THADA: variants seen among roughly 807,000 people sequenced by gnomAD.
The protein encoded by THADA is THADA armadillo repeat containing, also known as tRNA (32-2'-O)-methyltransferase regulator THADA.
A neutral mutation model predicts 219.8 loss-of-function variants in THADA; 213 were observed. The observed-to-expected ratio is 0.97, with a 90% CI of 0.87 to 1.09. The LOEUF is 1.09. THADA is among the 50% of genes least tolerant of loss of function. THADA has a pLI of 0.00. For synonymous variants in THADA, 1,018 were observed against 828.9 expected (o/e 1.23, Z -3.92); for missense variants, 2,956 against 2,311.3 (o/e 1.28, Z -5.72).
intron 29 of THADA, chr2:43,372,206 C>T (rs1373032790): frequency 7.9e-5 from 12 of 152,066 alleles, no homozygotes; most frequent in Admixed American, 2.0e-4. Flanking sequence ...TCTGAACACA[C>T]GAGAAATCTA....
chr2:43,463,918 C>T (rs951609871), intron 26 of THADA, among the ~76,000 whole-genome samples: 3 of 152,014 alleles, frequency 2.0e-5, no homozygotes, highest in Admixed American at 6.6e-5. Context: ...TAAAATTTGC[C>T]GGAAGAAGCT....
chr2:43,552,526 T>C (rs1873555), intron 17 of THADA, among the ~76,000 whole-genome samples, 187 bp from the exon 18 acceptor site: 51,834 of 152,002 alleles, frequency 0.34, 9,153 homozygotes, highest in South Asian at 0.42. Context: ...ACTGAGTGTC[T>C]TTCCCTAAAC....
chr2:43,317,257 GA>G (rs1678190847), intron 31 of THADA, among the ~76,000 whole-genome samples: 1 of 152,144 alleles, frequency 6.6e-6, no homozygotes, highest in Admixed American at 6.5e-5. Context: ...CTTGAATTCA[GA>G]AAATGAATTC....
rs577688278 is a variant in THADA at position 43,568,315 on chromosome 2, T to G, written c.2188-1494A>C. ...TCCACTAGCCTAGAAGATGTCTTTTTCAACTAATAGCCTCCTCTTCTCCCC... is the reference window on the plus strand; with the variant it reads ...TCCACTAGCCTAGAAGATGTCTTTTGCAACTAATAGCCTCCTCTTCTCCCC... On this transcript the variant is annotated intron_variant, in intron 14 of 37. Transcript: ENST00000405975. Among the ~76,000 whole-genome samples, 3 of 152,340 alleles carry G rather than the reference T, an allele frequency of 2.0e-5. No homozygotes were observed. The East Asian group carries it at 5.8e-4, about 29-fold the overall frequency.
At chr2:43,572,676 G>C in intron 12 of THADA, 138 bp downstream of exon 12, 1 of 644,446 alleles carries the variant, frequency 1.6e-6, no homozygotes. Flanking sequence ...AAGTTTAGTT[G>C]GGAGACTAGG....
At chr2:43,585,870 C>A (rs146219835) in intron 7 of THADA, among the ~76,000 whole-genome samples, 317 of 151,968 alleles carry the variant, frequency 2.1e-3, no homozygotes, top group African/African-American at 7.3e-3. Context: ...TTTAATTTTT[C>A]ATTTAAATAT....
At chr2:43,293,560 C>T (rs567438084) in intron 31 of THADA, among the ~76,000 whole-genome samples, 2 of 152,310 alleles carry the variant, frequency 1.3e-5, no homozygotes, top group East Asian at 1.9e-4. Flanking sequence ...TATAAACTTC[C>T]TTCAGGGGTG....
intron 36 of THADA, among the ~76,000 whole-genome samples, chr2:43,248,130 A>AATAAATATATATAT (rs1669354918): frequency 1.7e-5 from 1 of 58,240 alleles, no homozygotes; most frequent in South Asian, 7.6e-4. Flanking sequence ...TCCATACAGA[A>AATAAATATATATAT]ATATATATAT....
At chr2:43,322,788 C>T (rs1463383315) in intron 30 of THADA, among the ~76,000 whole-genome samples, 3 of 138,544 alleles carry the variant, frequency 2.2e-5, no homozygotes, top group Non-Finnish European at 4.6e-5. Flanking sequence ...CGGGTTCATG[C>T]CATTCTCCTG....
chr2:43,495,883 A>C (rs1688217531), intron 25 of THADA, among the ~76,000 whole-genome samples: 1 of 152,210 alleles, frequency 6.6e-6, no homozygotes. Flanking sequence ...TGTAAGTATA[A>C]AAGGTAAACT....
Position 43,399,111 on chromosome 2 carries a change from T to C in THADA, c.4059-972A>G, listed in dbSNP as rs114191327. On this transcript the variant is annotated intron_variant, in intron 28 of 37. Transcript: ENST00000405975. The stretch of plus-strand genomic sequence containing the variant: ...CTTTAAAGCCTTCACAGATAGGAGA[T>C]TGATTGAGAGGAAAGTCCAATATGC... Among the ~76,000 whole-genome samples, 1,390 of 152,262 alleles carry C rather than the reference T, an allele frequency of 9.1e-3. 22 individuals carry two copies. The highest frequency in any genetic ancestry group is 0.032 in the African/African-American group (1,321 of 41,538).
chr2:43,335,610 T>C (rs1288878517), intron 30 of THADA, among the ~76,000 whole-genome samples: 2 of 152,098 alleles, frequency 1.3e-5, no homozygotes, highest in South Asian at 2.1e-4. Context: ...CAGGGCTCAA[T>C]AGGTATTTGT....
intron 20 of THADA, among the ~76,000 whole-genome samples, chr2:43,544,646 G>C (rs1695780795): frequency 8.0e-5 from 12 of 150,890 alleles, no homozygotes; most frequent in Admixed American, 7.9e-4. Context: ...AATTGTGAAT[G>C]GGAGTTCACT....
At chr2:43,286,569 C>A (rs1674036567) in intron 35 of THADA, among the ~76,000 whole-genome samples, 1 of 151,964 alleles carries the variant, frequency 6.6e-6, no homozygotes, top group East Asian at 1.9e-4. Context: ...GGTGAAAACT[C>A]ATCTCTACTA....
chr2:43,418,384 G>A (rs1336955873), intron 28 of THADA, among the ~76,000 whole-genome samples: 1 of 152,196 alleles, frequency 6.6e-6, no homozygotes, highest in Non-Finnish European at 1.5e-5. Flanking sequence ...TTGTTACTGG[G>A]TATGCATGAA....
At chr2:43,425,567 T>C (rs1678331077) in intron 28 of THADA, among the ~76,000 whole-genome samples, 1 of 152,096 alleles carries the variant, frequency 6.6e-6, no homozygotes, top group Admixed American at 6.5e-5. Flanking sequence ...TGGCATTATC[T>C]GGAAGACCAT....
intron 29 of THADA, among the ~76,000 whole-genome samples, chr2:43,348,877 G>T (rs764739770): frequency 2.6e-5 from 4 of 152,130 alleles, no homozygotes; most frequent in African/African-American, 4.8e-5. Context: ...ACAAAAGGGA[G>T]CTCTATTAAT....
At chr2:43,477,237 G>C (rs368005239) in intron 26 of THADA, among the ~76,000 whole-genome samples, 16 of 151,756 alleles carry the variant, frequency 1.1e-4, no homozygotes, top group African/African-American at 3.4e-4. Flanking sequence ...GGCAATATAT[G>C]TTCTTTGAGA....
chr2:43,374,300 G>A (rs1671131683), intron 29 of THADA, among the ~76,000 whole-genome samples: 1 of 152,188 alleles, frequency 6.6e-6, no homozygotes, highest in Non-Finnish European at 1.5e-5. Context: ...ACACGGTACA[G>A]TATGGTACTG....
Sources: gnomAD v4.1 joint callset for allele counts (sites outside exome capture counted in the v4.1 genomes callset) on GRCh38, gnomAD v4.1.1 for gene constraint, MANE v1.5 for transcripts, NCBI Gene and HGNC (gene_info 2026-07-23, HGNC 2026-07-21) for gene names.